FAM91A1: variants seen among roughly 807,000 people sequenced by gnomAD.
The protein encoded by FAM91A1 is family with sequence similarity 91 member A1, also known as protein FAM91A1.
In FAM91A1, 41 loss-of-function variants were observed where a neutral mutation model predicts 113.5. The observed-to-expected ratio is 0.36, with a 90% CI of 0.28 to 0.47. The LOEUF (loss-of-function observed/expected upper bound fraction) is 0.47. FAM91A1 is among the 20% of genes least tolerant of loss of function. The pLI, the probability that FAM91A1 is intolerant of heterozygous loss-of-function variation, is 1.00. For missense variants in FAM91A1, 696 were observed against 1,001.2 expected, an observed-to-expected ratio of 0.70 and a Z score of 4.11; for synonymous variants, 307 against 347.9, an observed-to-expected ratio of 0.88 and a Z score of 1.31.
intron 18 of FAM91A1, among the ~76,000 whole-genome samples, chr8:123,804,364 G>A (rs974073973): frequency 4.9e-4 from 75 of 151,626 alleles, no homozygotes; most frequent in African/African-American, 1.3e-3. Flanking sequence ...GGTGGCGGGC[G>A]CCTGTAATCT....
At chr8:123,774,279 TAAGA>T (rs1403132117) in intron 2 of FAM91A1, 115 bp downstream of exon 2, 1 of 771,060 alleles carries the variant, frequency 1.3e-6, no homozygotes, top group Non-Finnish European at 2.0e-6. Context: ...GTACAGACTT[TAAGA>T]AACTCTACAC....
chr8:123,799,412 T>A, intron 16 of FAM91A1, 108 bp from the exon 17 acceptor site: 2 of 903,240 alleles, frequency 2.2e-6, no homozygotes, highest in Non-Finnish European at 3.3e-6. Flanking sequence ...TTCTTGAGGA[T>A]AGTTGCAGTT....
intron 15 of FAM91A1, among the ~76,000 whole-genome samples, chr8:123,795,875 C>T (rs564997061): frequency 2.2e-4 from 34 of 152,292 alleles, no homozygotes; most frequent in Admixed American, 5.9e-4. Flanking sequence ...CTGCGCTTAT[C>T]TATAAAGCTG....
chr8:123,797,632 T>G (rs1216355412), intron 15 of FAM91A1, among the ~76,000 whole-genome samples: 1 of 152,238 alleles, frequency 6.6e-6, no homozygotes, highest in African/African-American at 2.4e-5. Flanking sequence ...ATATAACATA[T>G]AAAATATGTA....
intron 15 of FAM91A1, among the ~76,000 whole-genome samples, chr8:123,797,696 T>G (rs879574588): frequency 4.6e-5 from 7 of 152,356 alleles, no homozygotes; most frequent in Admixed American, 4.6e-4. Flanking sequence ...CTATTAGTAG[T>G]TAAGTCATTG....
At chr8:123,812,097 T>TCCTGATCTCAA (rs1815970517) in intron 23 of FAM91A1, 2 of 153,108 alleles carry the variant, frequency 1.3e-5, no homozygotes, top group African/African-American at 4.8e-5. Flanking sequence ...CGTTTTGAAC[T>TCCTGATCTCAA]CCTGATCTCA....
In FAM91A1 at chr8:123,768,675, CCCG is replaced by C; in HGVS notation, c.-27_-25del. 6.4e-7 allele frequency: 1 copy of C among 1,557,040 alleles called. No individual in the cohort carries two copies. The highest frequency in any genetic ancestry group is 8.7e-7 in the Non-Finnish European group (1 of 1,153,308). Reference sequence around the variant, plus strand: ...GCGTAGTGTGGGTCGCGGTGGCGGCCCCGGCCGCCGGCCCTGGCCGCGGCATCA... The same window carrying C: ...GCGTAGTGTGGGTCGCGGTGGCGGCCGCCGCCGGCCCTGGCCGCGGCATCA... On this transcript the variant is annotated 5_prime_UTR_variant, in exon 1 of 24. Coordinates refer to ENST00000334705, the MANE Select transcript of FAM91A1 (RefSeq NM_144963.4).
chr8:123,799,386 A>T, intron 16 of FAM91A1, 134 bp from the exon 17 acceptor site: 1 of 769,328 alleles, frequency 1.3e-6, no homozygotes, highest in Non-Finnish European at 2.0e-6. Context: ...ATTTTAATGA[A>T]ACATTTAAAG....
rs1816021468 is a variant in FAM91A1 at position 123,814,272 on chromosome 8, T to C, written c.*1568T>C. The C allele has an allele frequency of 3.2e-6, 1 of 311,664 alleles. No homozygotes were observed. Among genetic ancestry groups the C allele is most frequent in the South Asian group, 2.8e-5 (1 of 35,964 alleles). The allele number at this position is 311,664 out of a possible 1,614,324, so 19.3% of individuals were successfully genotyped here. On this transcript the variant is annotated 3_prime_UTR_variant, in exon 24 of 24. Transcript: ENST00000334705. ...TCACTTATTTTTCCAATAATTGATA[T>C]TGTACATTCCTAGTGCCATTAGGTA...
chr8:123,775,791 C>G (rs1199195217), intron 3 of FAM91A1, among the ~76,000 whole-genome samples: 2 of 151,934 alleles, frequency 1.3e-5, no homozygotes, highest in East Asian at 3.9e-4. Flanking sequence ...ATGGTGAAAC[C>G]CCGTCTCTAC....
chr8:123,782,142 A>G (rs1192012334), intron 8 of FAM91A1, among the ~76,000 whole-genome samples: 1 of 152,230 alleles, frequency 6.6e-6, no homozygotes. Flanking sequence ...AATTCATTTG[A>G]AAAAAGCAGT....
At chr8:123,798,309 G>A in intron 16 of FAM91A1, 71 bp downstream of exon 16, 1 of 1,502,222 alleles carries the variant, frequency 6.7e-7, no homozygotes. Flanking sequence ...TTCTCTATCT[G>A]CAGATACCAA....
chr8:123,810,274 T>C lies in FAM91A1; in HGVS notation c.2262-8T>C. Reference sequence around the variant, plus strand: ...TTTTAAACTGTTTCTCGCCTTTTTTTTTTTCAGCCTTCAAAACCTCTTACA... The same window carrying C: ...TTTTAAACTGTTTCTCGCCTTTTTTCTTTTCAGCCTTCAAAACCTCTTACA... On this transcript the variant is annotated splice_polypyrimidine_tract_variant and splice_region_variant and intron_variant, in intron 22 of 23. Transcript: ENST00000334705. 1 of 1,594,344 alleles carries C rather than the reference T, an allele frequency of 6.3e-7. No individual in the cohort carries two copies. Among genetic ancestry groups the C allele is most frequent in the South Asian group, 1.2e-5 (1 of 86,176 alleles).
chr8:123,802,436 A>G (rs1026081230), intron 18 of FAM91A1, among the ~76,000 whole-genome samples: 1 of 152,256 alleles, frequency 6.6e-6, no homozygotes, highest in South Asian at 2.1e-4. Context: ...GTGACATCAC[A>G]GGAGGTGGTG....
rs895300871 is a variant in FAM91A1 at position 123,799,843 on chromosome 8, G to A, written c.1767G>A (p.Thr589=). Residue 589 remains threonine, a synonymous_variant, in exon 18 of 24, where the codon ACG becomes ACA. Coordinates refer to ENST00000334705, the MANE Select transcript of FAM91A1 (RefSeq NM_144963.4). ...PGVVPTSNVL[T]MLNDALTHSA... is the part of the protein sequence containing the mutation. ...TAGTTCCTACCTCAAATGTGCTCAC[G>A]ATGTTGAATGATGCTTTAACACATT... is the stretch of plus-strand genomic sequence containing the variant. 9 of 1,607,284 alleles carry A rather than the reference G, an allele frequency of 5.6e-6. No homozygotes were observed. The highest frequency in any genetic ancestry group is 1.7e-5 in the Admixed American group (1 of 59,866).
chr8:123,780,565 C>A, intron 8 of FAM91A1, 23 bp downstream of exon 8: 1 of 1,598,568 alleles, frequency 6.3e-7, no homozygotes, highest in Non-Finnish European at 8.6e-7. Context: ...TAACATTTTT[C>A]ACTGTTTTTT....
At chr8:123,791,896 C>T (rs183191568) in intron 15 of FAM91A1, among the ~76,000 whole-genome samples, 16 of 152,228 alleles carry the variant, frequency 1.1e-4, no homozygotes, top group Admixed American at 5.2e-4. Context: ...AATTCTCTGC[C>T]GGGTGTGGTG....
chr8:123,793,122 T>C (rs1815427349), intron 15 of FAM91A1, among the ~76,000 whole-genome samples: 1 of 152,230 alleles, frequency 6.6e-6, no homozygotes, highest in Non-Finnish European at 1.5e-5. Flanking sequence ...TACCTCACCC[T>C]GTCATCCTAC....
chr8:123,806,797 T>A (rs1473277893), intron 20 of FAM91A1, among the ~76,000 whole-genome samples: 3 of 152,172 alleles, frequency 2.0e-5, no homozygotes, highest in Admixed American at 2.0e-4. Flanking sequence ...ACCTTAAACA[T>A]GTGCTGTTGC....
Sources: gnomAD v4.1 joint callset for allele counts (sites outside exome capture counted in the v4.1 genomes callset) on GRCh38, gnomAD v4.1.1 for gene constraint, MANE v1.5 for transcripts, NCBI Gene and HGNC (gene_info 2026-07-23, HGNC 2026-07-21) for gene names.